Variants in ADGRB3 observed in about 807,000 individuals in gnomAD.
ADGRB3 encodes the protein adhesion G protein-coupled receptor B3, also known as brain-specific angiogenesis inhibitor 3.
In ADGRB3, 37 loss-of-function variants were observed where a neutral mutation model predicts 193.4. The observed-to-expected ratio is 0.19, with a 90% confidence interval of 0.15 to 0.25. ADGRB3 has a LOEUF of 0.25. Ranked by LOEUF, ADGRB3 falls within the 10% of genes least tolerant of loss-of-function variation. The pLI, the probability that ADGRB3 is intolerant of heterozygous loss-of-function variation, is 1.00. For missense variants in ADGRB3, 1,637 were observed against 1,852.9 expected, an observed-to-expected ratio of 0.88 and a Z score of 2.14; for synonymous variants, 690 against 644.2, an observed-to-expected ratio of 1.07 and a Z score of -1.08.
In ADGRB3 at chr6:68,682,935, G is replaced by A. The variant is rs146948329; in HGVS notation, c.757+43503G>A. Among the ~76,000 whole-genome samples, 232 of 151,926 alleles carry A rather than the reference G, an allele frequency of 1.5e-3. 1 individual carries two copies. Among genetic ancestry groups the A allele is most frequent in the African/African-American group, 5.3e-3 (219 of 41,436 alleles). ...TGGGATTATAGGCACCTACCACCAC[G>A]CCTGACTAATTTTTGTATTCTTAGT... On this transcript the variant is annotated intron_variant, in intron 3 of 31. Transcript: ENST00000370598.
intron 3 of ADGRB3, among the ~76,000 whole-genome samples, chr6:68,660,100 A>C (rs1768589921): frequency 6.6e-6 from 1 of 151,002 alleles, no homozygotes; most frequent in South Asian, 2.1e-4. Flanking sequence ...TGAAATTCGT[A>C]TAAGCACATT....
intron 3 of ADGRB3, among the ~76,000 whole-genome samples, chr6:68,882,353 A>AT (rs1236139443): frequency 6.6e-6 from 1 of 152,208 alleles, no homozygotes; most frequent in Non-Finnish European, 1.5e-5. Context: ...CATGTATAAC[A>AT]TTTAAACCAC....
At chr6:68,914,014 A>G (rs1009383272) in intron 3 of ADGRB3, among the ~76,000 whole-genome samples, 1 of 151,396 alleles carries the variant, frequency 6.6e-6, no homozygotes, top group African/African-American at 2.4e-5. Flanking sequence ...AAAGAAACGA[A>G]CAAAGCCTCC....
chr6:69,286,520 C>T (rs913440785), intron 20 of ADGRB3, among the ~76,000 whole-genome samples: 5 of 152,124 alleles, frequency 3.3e-5, no homozygotes, highest in African/African-American at 7.2e-5. Context: ...GCAGGTGCAG[C>T]GAGACCAGGC....
At chr6:68,663,238 C>T (rs894755931) in intron 3 of ADGRB3, among the ~76,000 whole-genome samples, 1 of 151,388 alleles carries the variant, frequency 6.6e-6, no homozygotes, top group African/African-American at 2.4e-5. Context: ...TTGTGTTCAT[C>T]ATATAATTTT....
chr6:69,013,915 A>G (rs1395372758), intron 11 of ADGRB3, 123 bp from the exon 12 acceptor site: 3 of 529,838 alleles, frequency 5.7e-6, no homozygotes, highest in Non-Finnish European at 1.0e-5. Flanking sequence ...ATACTATGTT[A>G]GGGTCATAAA....
At chr6:69,211,853 A>C (rs929869973) in intron 17 of ADGRB3, among the ~76,000 whole-genome samples, 1 of 152,238 alleles carries the variant, frequency 6.6e-6, no homozygotes, top group East Asian at 1.9e-4. Context: ...TATGGATTAC[A>C]ACTGTGTGCA....
intron 3 of ADGRB3, among the ~76,000 whole-genome samples, chr6:68,826,903 G>A (rs1041250203): frequency 1.3e-5 from 2 of 152,160 alleles, no homozygotes; most frequent in African/African-American, 4.8e-5. Context: ...GCCAGAACTT[G>A]GAGAGGTCAG....
chr6:68,885,666 A>G (rs1294096145), intron 3 of ADGRB3, among the ~76,000 whole-genome samples: 1 of 152,204 alleles, frequency 6.6e-6, no homozygotes, highest in East Asian at 1.9e-4. Context: ...AGCCAGGAGT[A>G]GGGGATTGGA....
intron 30 of ADGRB3, among the ~76,000 whole-genome samples, chr6:69,382,091 T>A (rs977338713): frequency 6.6e-6 from 1 of 151,872 alleles, no homozygotes; most frequent in Admixed American, 6.6e-5. Context: ...TTTGTTGAGT[T>A]ATGGTGAAGT....
chr6:69,055,846 T>C (rs1238940291), intron 15 of ADGRB3, among the ~76,000 whole-genome samples: 1 of 152,096 alleles, frequency 6.6e-6, no homozygotes, highest in Non-Finnish European at 1.5e-5. Flanking sequence ...TGTTTTGTTT[T>C]GTGCACACAG....
At chr6:69,111,221 C>A (rs1482522805) in intron 17 of ADGRB3, among the ~76,000 whole-genome samples, 2 of 152,144 alleles carry the variant, frequency 1.3e-5, no homozygotes, top group Non-Finnish European at 2.9e-5. Flanking sequence ...CACAACCATT[C>A]TTAGGAAAAC....
At chr6:68,648,233 G>A (rs1394647439) in intron 3 of ADGRB3, among the ~76,000 whole-genome samples, 1 of 152,090 alleles carries the variant, frequency 6.6e-6, no homozygotes, top group East Asian at 1.9e-4. Flanking sequence ...TGAATGAATA[G>A]GAGCCTTCCT....
intron 17 of ADGRB3, among the ~76,000 whole-genome samples, chr6:69,131,012 A>G (rs1472177995): frequency 6.6e-6 from 1 of 152,120 alleles, no homozygotes; most frequent in African/African-American, 2.4e-5. Context: ...TCTCCAAATG[A>G]AAGTTAAGAA....
At chr6:69,080,612 A>G (rs1286185496) in intron 17 of ADGRB3, among the ~76,000 whole-genome samples, 2 of 151,964 alleles carry the variant, frequency 1.3e-5, no homozygotes, top group African/African-American at 4.8e-5. Context: ...AACATCTTCT[A>G]CAGACTCATA....
chr6:69,214,415 A>G (rs1347436451), intron 17 of ADGRB3, among the ~76,000 whole-genome samples: 1 of 152,052 alleles, frequency 6.6e-6, no homozygotes, highest in Non-Finnish European at 1.5e-5. Flanking sequence ...ATTCAGGTCT[A>G]TTTTATTTTC....
At chr6:69,100,099 C>T (rs1177968500) in intron 17 of ADGRB3, among the ~76,000 whole-genome samples, 1 of 152,122 alleles carries the variant, frequency 6.6e-6, no homozygotes, top group Non-Finnish European at 1.5e-5. Context: ...AAAACAACTC[C>T]CACTGGTCTC....
At chr6:69,239,294 A>C (rs1007359652) in intron 20 of ADGRB3, 68 bp downstream of exon 20, 2 of 1,068,624 alleles carry the variant, frequency 1.9e-6, no homozygotes, top group Non-Finnish European at 1.4e-6. Flanking sequence ...GTTATTGATA[A>C]TCTAAACATT....
chr6:69,253,789 T>G (rs1258733822), intron 20 of ADGRB3, among the ~76,000 whole-genome samples: 1 of 152,170 alleles, frequency 6.6e-6, no homozygotes, highest in Non-Finnish European at 1.5e-5. Flanking sequence ...ATTTTCAATA[T>G]ATCAAACAGG....
Sources: gnomAD v4.1 joint callset for allele counts (sites outside exome capture counted in the v4.1 genomes callset) on GRCh38, gnomAD v4.1.1 for gene constraint, MANE v1.5 for transcripts, NCBI Gene and HGNC (gene_info 2026-07-23, HGNC 2026-07-21) for gene names.